The following SUN2 variants were observed in gnomAD, a reference collection of about 807,000 sequenced individuals.
SUN2 encodes the protein Sad1 and UNC84 domain containing 2.
Under a neutral mutation model 100.0 loss-of-function variants are expected in SUN2, and 60 were observed. That is an observed-to-expected ratio of 0.60 (90% confidence interval 0.49 to 0.74). SUN2 has a LOEUF of 0.74. SUN2 is among the 30% of genes least tolerant of loss of function. The probability of loss-of-function intolerance (pLI) is 0.00; values close to 1 mark genes in which losing one functional copy is unlikely to be tolerated. For missense variants in SUN2, 834 were observed against 954.6 expected (o/e 0.87, Z 1.66); for synonymous variants, 367 against 403.3 (o/e 0.91, Z 1.08).
chr22:38,752,186 G>A (rs980646631), intron 2 of SUN2, among the ~76,000 whole-genome samples: 3 of 152,102 alleles, frequency 2.0e-5, no homozygotes, highest in African/African-American at 4.8e-5. Context: ...TGTTGGTCAG[G>A]GTCAGGTGAT....
intron 1 of SUN2, among the ~76,000 whole-genome samples, chr22:38,753,441 C>T (rs2092963116): frequency 6.6e-6 from 1 of 152,078 alleles, no homozygotes; most frequent in African/African-American, 2.4e-5. Context: ...GTCTCGAACT[C>T]CTGACCTCAG....
At chr22:38,754,897 C>T in intron 1 of SUN2, 1 of 1,289,346 alleles carries the variant, frequency 7.8e-7, no homozygotes, top group Non-Finnish European at 1.0e-6. Flanking sequence ...AAACAGTTTA[C>T]CATTGAGTCT....
intron 9 of SUN2, among the ~76,000 whole-genome samples, chr22:38,741,820 A>G (rs2092860341): frequency 6.6e-6 from 1 of 152,202 alleles, no homozygotes; most frequent in Non-Finnish European, 1.5e-5. Context: ...GATGGCCTCC[A>G]TCAAAGAGCA....
chr22:38,750,933 G>T lies in SUN2; in HGVS notation c.389C>A (p.Ser130Tyr). The T allele has an allele frequency of 6.2e-7, 1 of 1,614,050 alleles. No individual in the cohort carries two copies. Residue 130 changes from serine (S) to tyrosine (Y), a missense_variant, in exon 4 of 18, where the codon TCT (serine) becomes TAT (tyrosine). Ser to Tyr is a moderately radical substitution (Grantham distance 144). Around this residue, in one of 3 missense-constraint regions of SUN2, gnomAD observed 559 missense variants for 597.7 expected, o/e 0.94. Coordinates refer to ENST00000689035, the MANE Select transcript of SUN2 (RefSeq NM_015374.3). ...GTCCTCAGAGGAGTAGCCCGAGGAA[G>T]AGCCCAGGAAGTCCTCGGTGGCCTT... Reference protein sequence around the residue: ...GRKATEDFLGSSSGYSSEDDY... With the variant: ...GRKATEDFLGYSSGYSSEDDY...
At chr22:38,751,878 G>T (rs545108587) in intron 2 of SUN2, among the ~76,000 whole-genome samples, 1 of 152,252 alleles carries the variant, frequency 6.6e-6, no homozygotes, top group Admixed American at 6.5e-5. Flanking sequence ...TCCAGAGCAG[G>T]GGGGGTTCCT....
chr22:38,736,459 GCCT>G, intron 17 of SUN2, 79 bp from the exon 18 acceptor site: 2 of 1,233,768 alleles, frequency 1.6e-6, no homozygotes, highest in South Asian at 1.5e-5. Flanking sequence ...AGGGGAGACA[GCCT>G]CGCCTAGGGC....
At chr22:38,748,968 C>G in intron 6 of SUN2, 185 bp from the exon 7 acceptor site, 1 of 609,176 alleles carries the variant, frequency 1.6e-6, no homozygotes, top group Non-Finnish European at 3.0e-6. Context: ...TCCTGCTGGG[C>G]AGGTCTTAGA....
Position 38,738,460 on chromosome 22 carries a change from GCTC to G in SUN2, c.1947+124_1947+126del. ...GACTGAAGTGCTGTCTCCCACCCTA[GCTC>G]CTCCTCTTCCAAATCCACTCCCCTC... On this transcript the variant is annotated intron_variant, in intron 16 of 17. Transcript: ENST00000689035. This position sits in a 1 kb window ranked among gnomAD's most constrained non-coding sequence, Gnocchi z 6.6. 7.5e-7 allele frequency: 1 copy of G among 1,329,132 alleles called. No individual in the cohort carries two copies. Among genetic ancestry groups the G allele is most frequent in the South Asian group, 1.3e-5 (1 of 74,462 alleles). The allele number at this position is 1,329,132 out of a possible 1,614,324, so 82.3% of individuals were successfully genotyped here.
At position 38,754,770 on chromosome 22, in the gene SUN2, C is replaced by T. The variant is rs9611017; in HGVS notation, c.-38+993G>A. On this transcript the variant is annotated intron_variant, in intron 1 of 17. Coordinates refer to ENST00000689035, the MANE Select transcript of SUN2 (RefSeq NM_015374.3). ...ATACCCAAGCTGCCGCTGGGAAGAA[C>T]TAAATATTCTGATGGAGGTTGAGCG... is the stretch of plus-strand genomic sequence containing the variant. 11 of 1,287,650 alleles carry T rather than the reference C, an allele frequency of 8.5e-6. No individual in the cohort carries two copies. The South Asian group carries it at 1.2e-4, about 14-fold the overall frequency. 79.8% of individuals were successfully genotyped at this position (1,287,650 alleles called of 1,614,324 possible).
At chr22:38,747,962 G>C (rs2092916646) in intron 7 of SUN2, among the ~76,000 whole-genome samples, 1 of 152,228 alleles carries the variant, frequency 6.6e-6, no homozygotes, top group East Asian at 1.9e-4. Flanking sequence ...AAAAAACCAA[G>C]GCAGGCCTGT....
Position 38,755,572 on chromosome 22 carries a change from GCGGGGCGGGGGC to G in SUN2, c.-38+179_-38+190del. 1 of 956,572 alleles carries G rather than the reference GCGGGGCGGGGGC, an allele frequency of 1.0e-6. No individual in the cohort carries two copies. The highest frequency in any genetic ancestry group is 1.2e-6 in the Non-Finnish European group (1 of 803,294). 59.3% of individuals were successfully genotyped at this position (956,572 alleles called of 1,614,324 possible). A position where few individuals can be genotyped will look rare whatever the true frequency, so the allele number is the denominator to read the frequency against. ...TCCCGGCTGACCAGTGGCGCGGCAG[GCGGGGCGGGGGC>G]CAGGAGGTGAGTCAGGGCGCGGGCC... On this transcript the variant is annotated intron_variant, in intron 1 of 17. Transcript: ENST00000689035. This position sits in a 1 kb window ranked among gnomAD's most constrained non-coding sequence, Gnocchi z 5.7.
rs777599487 is a variant in SUN2 at position 38,751,039 on chromosome 22, T to G, written c.287-4A>C. 5 of 1,612,542 alleles carry G rather than the reference T, an allele frequency of 3.1e-6. No homozygotes were observed. The African/African-American group carries it at 5.3e-5, about 17-fold the overall frequency. On this transcript the variant is annotated splice_polypyrimidine_tract_variant and splice_region_variant and intron_variant, in intron 3 of 17. Coordinates refer to ENST00000689035, the MANE Select transcript of SUN2 (RefSeq NM_015374.3). ...CTCCGCACCCGCAGGTCCTCACCTG[T>G]GCAGGGAAGAACCAGGGGCTCTTCT... is the stretch of plus-strand genomic sequence containing the variant.
In SUN2 at chr22:38,735,687, CTT is replaced by C. The variant is rs1160449150; in HGVS notation, c.*578_*579del. On this transcript the variant is annotated 3_prime_UTR_variant, in exon 18 of 18. Coordinates refer to ENST00000689035, the MANE Select transcript of SUN2 (RefSeq NM_015374.3). ...CTACCCTCCCCGGGACAAATACACA[CTT>C]TTGTCGAAGGCCCTCAGGGACCCTG... is the stretch of plus-strand genomic sequence containing the variant. 1.8e-5 allele frequency: 3 copies of C among 165,086 alleles called. No individual in the cohort carries two copies. Among genetic ancestry groups the C allele is most frequent in the African/African-American group, 7.2e-5 (3 of 41,566 alleles). 10.2% of individuals were successfully genotyped at this position (165,086 alleles called of 1,614,324 possible).
At position 38,738,909 on chromosome 22, in the gene SUN2, C is replaced by T. The variant is rs377722106; in HGVS notation, c.1743G>A (p.Leu581=). The T allele has an allele frequency of 6.2e-7, 1 of 1,611,676 alleles. No individual in the cohort carries two copies. Among genetic ancestry groups the T allele is most frequent in the Admixed American group, 1.7e-5 (1 of 59,826 alleles). ...CTCGGGGTGACTGGGAGTGGTACCA[C>T]AGGGGGATGCCGAAGAGGCTGAGGA... ...TALLSLFGIP[L]WYHSQSPRVI... is the part of the protein sequence containing the mutation. Residue 581 remains leucine, a synonymous_variant, in exon 15 of 18, where the codon CTG becomes CTA. Coordinates refer to ENST00000689035, the MANE Select transcript of SUN2 (RefSeq NM_015374.3). The surrounding 1 kb of genome is among the most constrained non-coding windows in gnomAD (Gnocchi z 6.6).
intron 2 of SUN2, 175 bp from the exon 3 acceptor site, chr22:38,751,548 G>T: frequency 1.6e-6 from 1 of 637,598 alleles, no homozygotes; most frequent in Non-Finnish European, 2.7e-6. Context: ...GTCCTCTCCT[G>T]TTCTCTCTGA....
intron 7 of SUN2, among the ~76,000 whole-genome samples, chr22:38,748,274 A>T (rs532125036): frequency 6.6e-5 from 10 of 152,356 alleles, no homozygotes; most frequent in Admixed American, 6.5e-4. Context: ...ACATCGCGCC[A>T]TTGCACTCCA....
In SUN2 at chr22:38,745,924, G is replaced by A. The variant is rs533465492; in HGVS notation, c.686-113C>T. On this transcript the variant is annotated intron_variant, in intron 7 of 17. Transcript: ENST00000689035. The stretch of plus-strand genomic sequence containing the variant: ...GCTTGTGGCCTGTCCCACTCGTGGA[G>A]CTGTGCCCTTCCAGAGGCATCAGAG... The A allele has an allele frequency of 2.1e-5, 31 of 1,465,730 alleles. No individual in the cohort carries two copies. The South Asian group carries it at 4.1e-4, about 19-fold the overall frequency. 90.8% of individuals were successfully genotyped at this position (1,465,730 alleles called of 1,614,324 possible).
rs528435481 is a variant in SUN2 at position 38,740,186 on chromosome 22, G to T, written c.1356+81C>A. 44 of 1,438,256 alleles carry T rather than the reference G, an allele frequency of 3.1e-5. No homozygotes were observed. The South Asian group carries it at 4.9e-4, about 16-fold the overall frequency. The allele number at this position is 1,438,256 out of a possible 1,614,324, so 89.1% of individuals were successfully genotyped here. On this transcript the variant is annotated intron_variant, in intron 12 of 17. Coordinates refer to ENST00000689035, the MANE Select transcript of SUN2 (RefSeq NM_015374.3). The surrounding 1 kb of genome is among the most constrained non-coding windows in gnomAD (Gnocchi z 4.8). ...ATAACAGAGGCTGCAGGGGCAAGGG[G>T]TGCTGCTTTGCAGGCCCCAGGACAC...
Position 38,734,850 on chromosome 22 carries a change from C to T in SUN2, c.*1417G>A, listed in dbSNP as rs756082854. ...AGCGCAAAACAAACCCTGGCTGCCT[C>T]GGGATGGAGCGGGGCGGCCTCACCA... On this transcript the variant is annotated 3_prime_UTR_variant, in exon 18 of 18. Coordinates refer to ENST00000689035, the MANE Select transcript of SUN2 (RefSeq NM_015374.3). The T allele has an allele frequency of 5.5e-5, 10 of 182,148 alleles. No individual in the cohort carries two copies. Among genetic ancestry groups the T allele is most frequent in the African/African-American group, 9.6e-5 (4 of 41,738 alleles). The allele number at this position is 182,148 out of a possible 1,614,324, so 11.3% of individuals were successfully genotyped here. A position where few individuals can be genotyped will look rare whatever the true frequency, so the allele number is the denominator to read the frequency against.
Sources: allele counts gnomAD v4.1 joint callset (sites outside exome capture counted in the v4.1 genomes callset), GRCh38; gene constraint gnomAD v4.1.1; regional missense constraint gnomAD v4.1.1; non-coding constraint Gnocchi (gnomAD v3.1); transcripts MANE v1.5; gene names NCBI Gene and HGNC (gene_info 2026-07-23, HGNC 2026-07-21).